Variants in LRP1B observed in about 807,000 individuals in gnomAD.
LRP1B encodes the protein LDL receptor related protein 1B.
Under a neutral mutation model 556.6 loss-of-function variants are expected in LRP1B, and 217 were observed. The ratio of observed to expected loss-of-function variants is 0.39; its 90% CI spans 0.35 to 0.44. The LOEUF (loss-of-function observed/expected upper bound fraction) is 0.44, where lower values mean the gene tolerates loss of function less well. LRP1B is among the 20% of genes least tolerant of loss of function. The probability of loss-of-function intolerance (pLI) is 1.00; values close to 1 mark genes in which losing one functional copy is unlikely to be tolerated. For synonymous variants in LRP1B, 2,047 were observed against 1,865.8 expected, an observed-to-expected ratio of 1.10 and a Z score of -2.50; for missense variants, 5,053 against 5,620.8, an observed-to-expected ratio of 0.90 and a Z score of 3.23.
intron 14 of LRP1B, among the ~76,000 whole-genome samples, chr2:141,010,634 C>A (rs933735388): frequency 6.6e-6 from 1 of 151,958 alleles, no homozygotes; most frequent in East Asian, 1.9e-4. Context: ...CCTGCCTCAG[C>A]CTCCCGAGTA....
At chr2:142,091,863 A>G (rs1706185589) in intron 1 of LRP1B, among the ~76,000 whole-genome samples, 1 of 152,200 alleles carries the variant, frequency 6.6e-6, no homozygotes, top group Non-Finnish European at 1.5e-5. Flanking sequence ...ATTAGCAGAA[A>G]ATCGATGAAA....
intron 1 of LRP1B, among the ~76,000 whole-genome samples, chr2:141,987,776 C>T (rs1263071023): frequency 1.3e-5 from 2 of 151,704 alleles, no homozygotes; most frequent in Non-Finnish European, 2.9e-5. Context: ...TTGATTTATG[C>T]ATATTATTTC....
In LRP1B at chr2:141,594,904, T is replaced by G. The variant is rs141674560; in HGVS notation, c.206-114371A>C. ...TTTCTAGCTTTGAACAGCCTGTAAT[T>G]TCTAGTTTTCCTAAATTATAGAAGT... On this transcript the variant is annotated intron_variant, in intron 2 of 90. Transcript: ENST00000389484. 8.6e-3 allele frequency among the ~76,000 whole-genome samples: 1,311 copies of G among 152,228 alleles called. 21 individuals are homozygous for G. The highest frequency in any genetic ancestry group is 0.037 in the Admixed American group (569 of 15,268).
chr2:140,601,084 G>C (rs1021226850), intron 42 of LRP1B, among the ~76,000 whole-genome samples: 2 of 73,964 alleles, frequency 2.7e-5, no homozygotes, highest in African/African-American at 8.6e-5. Context: ...TGATTAAAAT[G>C]CAAAAAAAAA....
rs575301349 is a variant in LRP1B, at chr2:141,440,929, G to A, written c.343+39467C>T. On this transcript the variant is annotated intron_variant, in intron 3 of 90. Transcript: ENST00000389484. ...GTTGTCACACTGAAGGAACAGCAGT[G>A]CCACAGGGATGCTACTAAACATTGT... is the stretch of plus-strand genomic sequence containing the variant. Among the ~76,000 whole-genome samples, 18 of 152,258 alleles carry A rather than the reference G, an allele frequency of 1.2e-4. 1 individual carries two copies. In the South Asian group the frequency reaches 3.7e-3, roughly 32 times the overall value.
chr2:141,792,006 G>A (rs1695630812), intron 2 of LRP1B, among the ~76,000 whole-genome samples: 1 of 151,252 alleles, frequency 6.6e-6, no homozygotes, highest in Non-Finnish European at 1.5e-5. Context: ...TTTTGTTGAA[G>A]CAGTTTTTCA....
intron 1 of LRP1B, among the ~76,000 whole-genome samples, chr2:141,971,856 G>T (rs1006882327): frequency 1.3e-5 from 2 of 151,328 alleles, no homozygotes; most frequent in Admixed American, 1.3e-4. Flanking sequence ...ATCTGTCAGT[G>T]TTGCTCATTT....
At chr2:141,879,734 C>A (rs1251427679) in intron 1 of LRP1B, among the ~76,000 whole-genome samples, 1 of 151,796 alleles carries the variant, frequency 6.6e-6, no homozygotes, top group Non-Finnish European at 1.5e-5. Flanking sequence ...ATAAAACAGA[C>A]AAACAAAAAA....
intron 1 of LRP1B, among the ~76,000 whole-genome samples, chr2:141,871,715 A>G (rs1698593392): frequency 6.6e-6 from 1 of 151,908 alleles, no homozygotes; most frequent in African/African-American, 2.4e-5. Context: ...AATAACTCAA[A>G]ATAGATGAAT....
intron 11 of LRP1B, among the ~76,000 whole-genome samples, chr2:141,044,808 T>G (rs1698817913): frequency 6.7e-6 from 1 of 149,870 alleles, no homozygotes; most frequent in Non-Finnish European, 1.5e-5. Flanking sequence ...AGGAACACTT[T>G]TACACTGTTG....
intron 20 of LRP1B, among the ~76,000 whole-genome samples, chr2:140,935,065 T>A (rs927522943): frequency 3.9e-5 from 6 of 152,142 alleles, no homozygotes; most frequent in Admixed American, 3.3e-4. Context: ...TCCAGAGTTA[T>A]CACATTATTA....
intron 2 of LRP1B, among the ~76,000 whole-genome samples, chr2:141,653,920 G>C (rs1177176263): frequency 6.6e-6 from 1 of 152,060 alleles, no homozygotes; most frequent in East Asian, 1.9e-4. Flanking sequence ...AAGAATCTTT[G>C]CTACAATTGT....
chr2:141,953,460 G>T (rs1701166401), intron 1 of LRP1B, among the ~76,000 whole-genome samples: 1 of 151,994 alleles, frequency 6.6e-6, no homozygotes, highest in Admixed American at 6.6e-5. Context: ...TCCATCTTCT[G>T]CAGTAGGATT....
rs755407635 is a variant in LRP1B, at chr2:141,188,519, G to A, written c.915C>T (p.Asp305=). 2 of 1,612,706 alleles carry A rather than the reference G, an allele frequency of 1.2e-6. No homozygotes were observed. The highest frequency in any genetic ancestry group is 2.2e-5 in the East Asian group (1 of 44,766). ...RNLYFVDHVG[D]RIFVCNSNGS... ...CGTTGGAATTACAAACAAAGATCCG[G>A]TCACCGACATGGTCCACAAAATAGA... The change falls in exon 7 of 91, where the codon GAC becomes GAT. Residue 305 remains aspartate, a synonymous_variant. Coordinates refer to ENST00000389484, the MANE Select transcript of LRP1B (RefSeq NM_018557.3).
chr2:140,912,732 C>T (rs1694459529), intron 21 of LRP1B, among the ~76,000 whole-genome samples: 1 of 151,462 alleles, frequency 6.6e-6, no homozygotes, highest in Non-Finnish European at 1.5e-5. Flanking sequence ...ACAATAACAG[C>T]AAATTTTTTA....
At chr2:140,663,653 T>C (rs1297806674) in intron 41 of LRP1B, among the ~76,000 whole-genome samples, 2 of 152,176 alleles carry the variant, frequency 1.3e-5, no homozygotes, top group African/African-American at 4.8e-5. Context: ...TTTGACCTTC[T>C]CTCCCGACCA....
At chr2:140,930,686 C>G (rs1322491476) in intron 20 of LRP1B, among the ~76,000 whole-genome samples, 2 of 152,036 alleles carry the variant, frequency 1.3e-5, no homozygotes, top group Non-Finnish European at 2.9e-5. Context: ...ACACCTTTAA[C>G]TTGTCATTCA....
At chr2:141,022,903 G>C (rs1258470242) in intron 11 of LRP1B, among the ~76,000 whole-genome samples, 3 of 151,722 alleles carry the variant, frequency 2.0e-5, no homozygotes, top group South Asian at 2.1e-4. Flanking sequence ...TAGCAAACAA[G>C]AGCATGGCTA....
intron 86 of LRP1B, among the ~76,000 whole-genome samples, chr2:140,258,977 A>G (rs1681815011): frequency 6.6e-6 from 1 of 152,172 alleles, no homozygotes; most frequent in Admixed American, 6.6e-5. Context: ...TTTCTAAGAC[A>G]TACATATAGC....
Sources: allele counts gnomAD v4.1 joint callset (sites outside exome capture counted in the v4.1 genomes callset), GRCh38; gene constraint gnomAD v4.1.1; transcripts MANE v1.5; gene names NCBI Gene and HGNC (gene_info 2026-07-23, HGNC 2026-07-21).